The following DCAF5 variants were observed in gnomAD, a reference collection of about 807,000 sequenced individuals.
DCAF5 encodes DDB1- and CUL4-associated factor 5.
In DCAF5, 9 loss-of-function variants were observed where a neutral mutation model predicts 80.7. That is an observed-to-expected ratio of 0.11 (90% CI 0.07 to 0.19). DCAF5 has a LOEUF of 0.19. DCAF5 is among the 10% of genes least tolerant of loss of function. The pLI is 1.00. For synonymous variants in DCAF5, 433 were observed against 461.9 expected, an observed-to-expected ratio of 0.94 and a Z score of 0.80; for missense variants, 842 against 1,205.7, an observed-to-expected ratio of 0.70 and a Z score of 4.47.
At position 69,153,021 on chromosome 14, in the gene DCAF5, TCGGCCTCACGCG is replaced by T; in HGVS notation, c.-55_-44del. The T allele has an allele frequency of 1.4e-6, 2 of 1,453,052 alleles. No individual in the cohort carries two copies. Among genetic ancestry groups the T allele is most frequent in the Non-Finnish European group, 1.8e-6 (2 of 1,103,890 alleles). 90.0% of individuals were successfully genotyped at this position (1,453,052 alleles called of 1,614,324 possible). Reference sequence around the variant, plus strand: ...CGCCGCTCGCGCCGCCGCCCCTCCCTCGGCCTCACGCGCGGCCGCTGCTCCCCCCACCCGGCC... The same window carrying T: ...CGCCGCTCGCGCCGCCGCCCCTCCCTCGGCCGCTGCTCCCCCCACCCGGCC... On this transcript the variant is annotated 5_prime_UTR_variant, in exon 1 of 9. Transcript: ENST00000341516.
At chr14:69,067,653 C>A (rs1013557698) in intron 7 of DCAF5, among the ~76,000 whole-genome samples, 1 of 147,072 alleles carries the variant, frequency 6.8e-6, no homozygotes, top group African/African-American at 2.5e-5. Context: ...CCCAGATATT[C>A]TTTTTTTTTT....
At chr14:69,075,244 TG>T (rs2038855075) in intron 7 of DCAF5, 100 bp downstream of exon 7, 2 of 788,068 alleles carry the variant, frequency 2.5e-6, no homozygotes, top group African/African-American at 1.7e-5. Context: ...ATGTTAGAAA[TG>T]TTGTCCTCTA....
rs535069746 is a variant in DCAF5 at position 69,097,305 on chromosome 14, C to G, written c.666-5418G>C. ...TTACAGGAAAACAGCTTGTTTCATA[C>G]AGGAGCCACTCATTGAGAACATGTC... On this transcript the variant is annotated intron_variant, in intron 5 of 8. Transcript: ENST00000341516. 3.0e-4 allele frequency among the ~76,000 whole-genome samples: 46 copies of G among 152,272 alleles called. No homozygotes were observed. The Middle Eastern group carries it at 0.01, about 34-fold the overall frequency.
intron 5 of DCAF5, among the ~76,000 whole-genome samples, chr14:69,114,182 T>G (rs2040466947): frequency 6.6e-6 from 1 of 152,206 alleles, no homozygotes; most frequent in African/African-American, 2.4e-5. Flanking sequence ...TTTGACAGTT[T>G]CTATCAAAAG....
intron 1 of DCAF5, among the ~76,000 whole-genome samples, chr14:69,151,206 T>C (rs1348566952): frequency 6.6e-6 from 1 of 152,116 alleles, no homozygotes; most frequent in East Asian, 1.9e-4. Flanking sequence ...GTCTGAAAGA[T>C]CAGGTTTCTT....
At chr14:69,106,207 C>T (rs2040152217) in intron 5 of DCAF5, among the ~76,000 whole-genome samples, 1 of 151,034 alleles carries the variant, frequency 6.6e-6, no homozygotes, top group Admixed American at 6.6e-5. Context: ...CAGGGGCCCA[C>T]CACTACGCCC....
In DCAF5 at chr14:69,115,561, T is replaced by C. The variant is rs1043395245; in HGVS notation, c.665+805A>G. On this transcript the variant is annotated intron_variant, in intron 5 of 8. Transcript: ENST00000341516. ...AATTTCCAGAGGAGCTAGCTAGCAA[T>C]ACACGGAAGTTTTTTAATACAGCAT... Among the ~76,000 whole-genome samples the C allele has an allele frequency of 3.9e-5, 6 of 152,148 alleles. 1 individual carries two copies. Among genetic ancestry groups the C allele is most frequent in the South Asian group, 4.1e-4 (2 of 4,828 alleles).
At chr14:69,080,799 T>C (rs1712833536) in intron 6 of DCAF5, among the ~76,000 whole-genome samples, 1 of 152,230 alleles carries the variant, frequency 6.6e-6, no homozygotes, top group Non-Finnish European at 1.5e-5. Context: ...CAACCAACGT[T>C]CATATTTAAT....
At chr14:69,090,871 A>G (rs1024565885) in intron 6 of DCAF5, 2 of 530,444 alleles carry the variant, frequency 3.8e-6, no homozygotes, top group East Asian at 2.9e-5. Flanking sequence ...TGAAATAGCA[A>G]TAAGATTTGT....
intron 7 of DCAF5, among the ~76,000 whole-genome samples, chr14:69,067,457 C>T (rs1184328737): frequency 1.3e-5 from 2 of 151,264 alleles, no homozygotes; most frequent in East Asian, 3.9e-4. Context: ...AATCCTCCTA[C>T]CTCAGCCTCC....
chr14:69,079,378 GA>G (rs2039017625), intron 6 of DCAF5, among the ~76,000 whole-genome samples: 1 of 152,134 alleles, frequency 6.6e-6, no homozygotes, highest in Non-Finnish European at 1.5e-5. Flanking sequence ...TCCTCTTAGG[GA>G]TAAAGGCAAC....
At chr14:69,119,897 A>T (rs1459666003) in intron 2 of DCAF5, among the ~76,000 whole-genome samples, 1 of 152,170 alleles carries the variant, frequency 6.6e-6, no homozygotes, top group Non-Finnish European at 1.5e-5. Flanking sequence ...CCTACAGAAT[A>T]GGGATAATAA....
intron 6 of DCAF5, chr14:69,084,942 G>T: frequency 7.0e-7 from 1 of 1,428,308 alleles, no homozygotes; most frequent in Non-Finnish European, 9.9e-7. Context: ...AGACCTAAAT[G>T]GGAGAAGGCA....
chr14:69,122,750 A>ATCAAAGAACTTTAAAGTAATAT (rs1162645311), intron 1 of DCAF5, among the ~76,000 whole-genome samples: 2 of 152,176 alleles, frequency 1.3e-5, no homozygotes, highest in Non-Finnish European at 2.9e-5. Flanking sequence ...AGGGCTTGCA[A>ATCAAAGAACTTTAAAGTAATAT]TCAAAGAACT....
intron 6 of DCAF5, among the ~76,000 whole-genome samples, chr14:69,081,871 T>C (rs959173437): frequency 6.6e-6 from 1 of 152,180 alleles, no homozygotes; most frequent in African/African-American, 2.4e-5. Context: ...TGAGTACTGA[T>C]CAACTTACCC....
rs1388371356 is a variant in DCAF5, at chr14:69,152,180, G to T, written c.214+585C>A. On this transcript the variant is annotated intron_variant, in intron 1 of 8. Coordinates refer to ENST00000341516, the MANE Select transcript of DCAF5 (RefSeq NM_003861.3). This position sits in a 1 kb window ranked among gnomAD's most constrained non-coding sequence, Gnocchi z 4.1. ...AGGCGATGGTGCTGGGCCTCTAAGA[G>T]CGCCGAGGGGGGCGGCCCACAGCGA... Among the ~76,000 whole-genome samples the T allele has an allele frequency of 6.6e-6, 1 of 152,166 alleles. No individual in the cohort carries two copies. Among genetic ancestry groups the T allele is most frequent in the Non-Finnish European group, 1.5e-5 (1 of 68,026 alleles).
chr14:69,103,535 A>G (rs2040035801), intron 5 of DCAF5, among the ~76,000 whole-genome samples: 1 of 152,250 alleles, frequency 6.6e-6, no homozygotes, highest in South Asian at 2.1e-4. Context: ...CATCTTGCAT[A>G]GCCATAGTAC....
chr14:69,132,681 T>C (rs889413984), intron 1 of DCAF5, among the ~76,000 whole-genome samples: 2 of 152,138 alleles, frequency 1.3e-5, no homozygotes, highest in Non-Finnish European at 2.9e-5. Flanking sequence ...GCCACTTCTG[T>C]GATTAGACCT....
At chr14:69,066,709 C>T (rs1435116399) in intron 7 of DCAF5, among the ~76,000 whole-genome samples, 1 of 152,290 alleles carries the variant, frequency 6.6e-6, no homozygotes, top group East Asian at 1.9e-4. Context: ...CAAATGTCTC[C>T]CTAGAGAAGA....
Sources: allele counts gnomAD v4.1 joint callset (sites outside exome capture counted in the v4.1 genomes callset), GRCh38; gene constraint gnomAD v4.1.1; non-coding constraint Gnocchi (gnomAD v3.1); transcripts MANE v1.5; gene names NCBI Gene and HGNC (gene_info 2026-07-23, HGNC 2026-07-21).